LEMD1: variants seen among roughly 807,000 people sequenced by gnomAD.
LEMD1 encodes LEM domain-containing protein 1.
In LEMD1, 18 loss-of-function variants were observed where a neutral mutation model predicts 17.4. The ratio of observed to expected loss-of-function variants is 1.04; its 90% CI spans 0.72 to 1.54. The LOEUF is 1.54. Ranked by LOEUF, LEMD1 falls within the 40% of genes most tolerant of loss-of-function variation. The pLI is 0.00. For missense variants in LEMD1, 195 were observed against 210.4 expected (o/e 0.93, Z 0.45); for synonymous variants, 88 against 77.8 (o/e 1.13, Z -0.69).
chr1:205,400,062 G>A (rs1664767431), intron 4 of LEMD1, among the ~76,000 whole-genome samples: 1 of 152,064 alleles, frequency 6.6e-6, no homozygotes, highest in African/African-American at 2.4e-5. Context: ...ATAATGTTTT[G>A]GGGTTTTTGT....
rs1005452844 is a variant in LEMD1, at chr1:205,385,828, G to A, written c.271-1464C>T. On this transcript the variant is annotated intron_variant, in intron 4 of 5. Transcript: ENST00000367153. The stretch of plus-strand genomic sequence containing the variant: ...ATAAGAGGCGCCTTCTGACACCTGC[G>A]GTGCTGTCAGAGCCTGCAGGCTGCA... 4.6e-5 allele frequency: 7 copies of A among 152,276 alleles called. No individual in the cohort carries two copies. In the South Asian group the frequency reaches 6.2e-4, roughly 14 times the overall value. 9.4% of individuals were successfully genotyped at this position (152,276 alleles called of 1,614,324 possible). A position where few individuals can be genotyped will look rare whatever the true frequency, so the allele number is the denominator to read the frequency against.
intron 4 of LEMD1, among the ~76,000 whole-genome samples, chr1:205,410,697 G>A (rs1665347804): frequency 6.6e-6 from 1 of 151,978 alleles, no homozygotes; most frequent in Admixed American, 6.6e-5. Context: ...GCAGGGGTGG[G>A]GTGGAGACTG....
At chr1:205,394,381 T>G (rs1207983100) in intron 4 of LEMD1, among the ~76,000 whole-genome samples, 5 of 151,906 alleles carry the variant, frequency 3.3e-5, no homozygotes, top group African/African-American at 1.2e-4. Context: ...ATTAATTAAT[T>G]AATTAATTAA....
chr1:205,443,941 GAGC>G (rs1454937461), intron 1 of LEMD1, among the ~76,000 whole-genome samples: 1 of 152,084 alleles, frequency 6.6e-6, no homozygotes, highest in African/African-American at 2.4e-5. Flanking sequence ...TGCTTTGCTC[GAGC>G]AGGAGTCCTG....
intron 1 of LEMD1, among the ~76,000 whole-genome samples, chr1:205,434,712 C>T (rs1184750731): frequency 6.6e-6 from 1 of 152,138 alleles, no homozygotes; most frequent in Non-Finnish European, 1.5e-5. Flanking sequence ...TTGGCCCCAA[C>T]ACCTCACTTT....
intron 1 of LEMD1, among the ~76,000 whole-genome samples, chr1:205,433,892 A>G (rs1251784286): frequency 6.6e-6 from 1 of 152,206 alleles, no homozygotes; most frequent in Non-Finnish European, 1.5e-5. Context: ...CTTGCCTTAC[A>G]GGAGACTGGC....
chr1:205,430,160 G>A (rs1666106631), intron 1 of LEMD1, among the ~76,000 whole-genome samples: 2 of 152,240 alleles, frequency 1.3e-5, no homozygotes, highest in South Asian at 4.1e-4. Context: ...ACTTTGCAGA[G>A]AAAAATGAAT....
intron 4 of LEMD1, 54 bp downstream of exon 4, chr1:205,416,178 C>T: frequency 8.9e-7 from 1 of 1,124,070 alleles, no homozygotes; most frequent in Non-Finnish European, 1.3e-6. Context: ...AACAGAGCTA[C>T]TCCCTGTTTT....
intron 4 of LEMD1, among the ~76,000 whole-genome samples, chr1:205,394,128 G>A (rs1274601231): frequency 2.4e-5 from 3 of 125,912 alleles, no homozygotes; most frequent in African/African-American, 9.0e-5. Context: ...CACATTGAAT[G>A]ATTCCATTTA....
At chr1:205,408,415 T>G (rs979417025) in intron 4 of LEMD1, among the ~76,000 whole-genome samples, 3 of 152,174 alleles carry the variant, frequency 2.0e-5, no homozygotes, top group Admixed American at 6.5e-5. Context: ...GAGGTGTTTG[T>G]ACTATCCTTG....
At chr1:205,427,393 G>A (rs1429673055) in intron 1 of LEMD1, among the ~76,000 whole-genome samples, 1 of 151,816 alleles carries the variant, frequency 6.6e-6, no homozygotes, top group Non-Finnish European at 1.5e-5. Flanking sequence ...TGATATCATA[G>A]CTCACCCCTT....
At chr1:205,393,688 AG>A (rs1304229366) in intron 4 of LEMD1, among the ~76,000 whole-genome samples, 1 of 140,240 alleles carries the variant, frequency 7.1e-6, no homozygotes, top group South Asian at 2.3e-4. Context: ...AAAAAAAAAA[AG>A]GAAAATAGCA....
At chr1:205,394,941 C>T (rs535390659) in intron 4 of LEMD1, among the ~76,000 whole-genome samples, 18 of 151,398 alleles carry the variant, frequency 1.2e-4, no homozygotes, top group African/African-American at 3.1e-4. Context: ...GAGCCGAGAT[C>T]GCCCTACTGC....
At chr1:205,404,757 G>A (rs1359333570) in intron 4 of LEMD1, among the ~76,000 whole-genome samples, 2 of 151,194 alleles carry the variant, frequency 1.3e-5, no homozygotes, top group African/African-American at 4.9e-5. Context: ...ATGCTAGCTG[G>A]TTATTTTGCT....
At chr1:205,389,654 A>G (rs776789172) in intron 4 of LEMD1, among the ~76,000 whole-genome samples, 1 of 152,214 alleles carries the variant, frequency 6.6e-6, no homozygotes, top group South Asian at 2.1e-4. Context: ...GAAACATAAT[A>G]CATTCTCCAA....
chr1:205,420,143 C>A (rs1299562712), intron 2 of LEMD1, among the ~76,000 whole-genome samples: 2 of 152,106 alleles, frequency 1.3e-5, no homozygotes, highest in Non-Finnish European at 2.9e-5. Flanking sequence ...CATGGTGAAA[C>A]CCTGTCTCTA....
chr1:205,402,363 T>A (rs376272047), intron 4 of LEMD1, among the ~76,000 whole-genome samples: 33,075 of 151,914 alleles, frequency 0.22, 3,765 homozygotes, highest in African/African-American at 0.28. Flanking sequence ...TTTGTTTGTA[T>A]CCTCTTTTAT....
intron 1 of LEMD1, among the ~76,000 whole-genome samples, chr1:205,446,255 A>C (rs947755254): frequency 6.6e-6 from 1 of 152,210 alleles, no homozygotes; most frequent in Non-Finnish European, 1.5e-5. Flanking sequence ...TAGAATGGAG[A>C]TCCACCTTTG....
At position 205,448,428 on chromosome 1, in the gene LEMD1, G is replaced by A. The variant is rs562344206; in HGVS notation, c.-39+1440C>T. ...GGTCCAGCGGCAGGAATCTCATAGG[G>A]AAGCGAGAAGCTGGGGCACCCGAGA... is the stretch of plus-strand genomic sequence containing the variant. On this transcript the variant is annotated intron_variant, in intron 1 of 3. Transcript: ENST00000367154. The surrounding 1 kb of genome is among the most constrained non-coding windows in gnomAD (Gnocchi z 4.7). The A allele has an allele frequency of 3.8e-6, 2 of 532,656 alleles. No individual in the cohort carries two copies. Among genetic ancestry groups the A allele is most frequent in the East Asian group, 1.1e-4 (2 of 18,340 alleles). The allele number at this position is 532,656 out of a possible 1,614,324, so 33.0% of individuals were successfully genotyped here.
Sources: gnomAD v4.1 joint callset for allele counts (sites outside exome capture counted in the v4.1 genomes callset) on GRCh38, gnomAD v4.1.1 for gene constraint, Gnocchi (gnomAD v3.1) non-coding constraint, MANE v1.5 for transcripts, NCBI Gene and HGNC (gene_info 2026-07-23, HGNC 2026-07-21) for gene names.